LRRC4C: variants seen among roughly 807,000 people sequenced by gnomAD.
LRRC4C encodes leucine rich repeat containing 4C.
A neutral mutation model predicts 33.6 loss-of-function variants in LRRC4C; 5 were observed. That is an observed-to-expected ratio of 0.15 (90% confidence interval 0.08 to 0.31). The LOEUF (loss-of-function observed/expected upper bound fraction) is 0.31, where lower values mean the gene tolerates loss of function less well. LRRC4C is among the 10% of genes least tolerant of loss of function. LRRC4C has a pLI of 1.00. For missense variants in LRRC4C, 560 were observed against 796.7 expected, an observed-to-expected ratio of 0.70 and a Z score of 3.58; for synonymous variants, 329 against 302.0, an observed-to-expected ratio of 1.09 and a Z score of -0.93.
chr11:40,842,455 A>T (rs1399878915), intron 2 of LRRC4C, among the ~76,000 whole-genome samples: 1 of 152,120 alleles, frequency 6.6e-6, no homozygotes, highest in Non-Finnish European at 1.5e-5. Context: ...TATTGTATAC[A>T]TGTTTTTAAA....
intron 1 of LRRC4C, among the ~76,000 whole-genome samples, chr11:41,082,226 G>A (rs537286570): frequency 6.8e-4 from 104 of 152,194 alleles, no homozygotes; most frequent in African/African-American, 2.2e-3. Flanking sequence ...CTATAGAAAC[G>A]CATCTCAGAG....
chr11:41,176,270 A>G (rs1047344972), intron 1 of LRRC4C, among the ~76,000 whole-genome samples: 11 of 152,206 alleles, frequency 7.2e-5, no homozygotes, highest in African/African-American at 2.7e-4. Context: ...GCCTAAGTAC[A>G]TTGGGAATAC....
chr11:41,013,446 C>T (rs1855355795), intron 1 of LRRC4C, among the ~76,000 whole-genome samples: 1 of 152,138 alleles, frequency 6.6e-6, no homozygotes, highest in African/African-American at 2.4e-5. Flanking sequence ...AATATGAATA[C>T]ATAGACATCT....
chr11:41,192,398 TACACACACACAC>T (rs148065178), intron 1 of LRRC4C, among the ~76,000 whole-genome samples: 54 of 145,898 alleles, frequency 3.7e-4, no homozygotes, highest in South Asian at 3.1e-3. Flanking sequence ...AAGAAGATCA[TACACACACACAC>T]ACACACACAC....
chr11:40,304,190 G>A lies in LRRC4C; in HGVS notation c.-176+15438C>T, dbSNP rs114046425. On this transcript the variant is annotated intron_variant, in intron 4 of 6. Transcript: ENST00000528697. ...CACTTGTAATTTGGGGATATTGAGGGGCCTGGAAGACCTAGCTCTTTTTCC... is the reference window on the plus strand; with the variant it reads ...CACTTGTAATTTGGGGATATTGAGGAGCCTGGAAGACCTAGCTCTTTTTCC... Among the ~76,000 whole-genome samples the A allele has an allele frequency of 4.4e-3, 666 of 152,198 alleles. 6 individuals carry two copies. The highest frequency in any genetic ancestry group is 0.015 in the African/African-American group (633 of 41,522).
chr11:40,620,561 C>G (rs1962354696), intron 3 of LRRC4C, among the ~76,000 whole-genome samples: 1 of 151,640 alleles, frequency 6.6e-6, no homozygotes, highest in Admixed American at 6.6e-5. Flanking sequence ...CAAAACTGAC[C>G]TTTATTGTGG....
chr11:40,533,461 A>T (rs1956350748), intron 3 of LRRC4C, among the ~76,000 whole-genome samples: 1 of 115,386 alleles, frequency 8.7e-6, no homozygotes, highest in East Asian at 2.6e-4. Flanking sequence ...GATTTTCCTC[A>T]TCTGGTCTCT....
intron 3 of LRRC4C, among the ~76,000 whole-genome samples, chr11:40,412,898 T>C (rs1444546470): frequency 1.3e-5 from 2 of 152,184 alleles, no homozygotes; most frequent in East Asian, 1.9e-4. Flanking sequence ...TAAAATAGTG[T>C]CCAGAACAAA....
intron 1 of LRRC4C, among the ~76,000 whole-genome samples, chr11:41,310,157 AT>A (rs2137172509): frequency 6.6e-6 from 1 of 152,372 alleles, no homozygotes; most frequent in South Asian, 2.1e-4. Flanking sequence ...AGCTGCATTA[AT>A]AAAGGCATGT....
chr11:40,385,332 T>C (rs187754749), intron 3 of LRRC4C, among the ~76,000 whole-genome samples: 1 of 152,196 alleles, frequency 6.6e-6, no homozygotes, highest in Admixed American at 6.5e-5. Context: ...TAGAGAAAAC[T>C]TTTTTCATCT....
intron 2 of LRRC4C, among the ~76,000 whole-genome samples, chr11:40,759,381 A>C (rs1283378661): frequency 6.6e-6 from 1 of 151,330 alleles, no homozygotes; most frequent in African/African-American, 2.4e-5. Context: ...TGGTTATGTG[A>C]GTAAAAATTT....
At chr11:40,127,170 C>T (rs185490933) in intron 6 of LRRC4C, among the ~76,000 whole-genome samples, 2,056 of 150,744 alleles carry the variant, frequency 0.014, 17 homozygotes, top group Non-Finnish European at 0.018. Context: ...CCAGCTACTC[C>T]GGAGGCTGAG....
At chr11:40,916,187 C>T (rs1384303357) in intron 2 of LRRC4C, among the ~76,000 whole-genome samples, 1 of 152,128 alleles carries the variant, frequency 6.6e-6, no homozygotes, top group African/African-American at 2.4e-5. Context: ...CCCAGTCATC[C>T]CATTACTGGG....
In LRRC4C at chr11:40,337,232, A is replaced by T. The variant is rs115583609; in HGVS notation, c.-269-17511T>A. Among the ~76,000 whole-genome samples the T allele has an allele frequency of 3.9e-3, 587 of 152,304 alleles. 5 individuals are homozygous for T. The highest frequency in any genetic ancestry group is 0.014 in the African/African-American group (564 of 41,568). ...CAGCATGGGTTGGAACTGAGTAAAA[A>T]ATGTGTTCAGAGAGAATCAGAGGAC... On this transcript the variant is annotated intron_variant, in intron 3 of 6. Transcript: ENST00000528697.
intron 2 of LRRC4C, among the ~76,000 whole-genome samples, chr11:40,920,112 G>A (rs553884822): frequency 7.9e-5 from 12 of 152,184 alleles, no homozygotes; most frequent in African/African-American, 2.9e-4. Flanking sequence ...AAAATCTTAT[G>A]TTGAACAAAA....
rs188295619 is a variant in LRRC4C at position 40,894,059 on chromosome 11, G to A, written c.-407+39576C>T. 2.6e-5 allele frequency among the ~76,000 whole-genome samples: 4 copies of A among 152,086 alleles called. No individual in the cohort carries two copies. In the East Asian group the frequency reaches 7.7e-4, roughly 29 times the overall value. On this transcript the variant is annotated intron_variant, in intron 2 of 6. Coordinates refer to ENST00000528697, the MANE Select transcript of LRRC4C (RefSeq NM_001258419.2). ...ATGAAATCATTTGCCAATTATAGCT[G>A]GTTCAGTTTGTTAATTGAATTCTTA...
chr11:40,185,759 A>ATTAAG (rs1861353514), intron 5 of LRRC4C, among the ~76,000 whole-genome samples: 1 of 152,100 alleles, frequency 6.6e-6, no homozygotes, highest in African/African-American at 2.4e-5. Flanking sequence ...AGTAATGGAG[A>ATTAAG]TTAAGTTGGA....
intron 3 of LRRC4C, among the ~76,000 whole-genome samples, chr11:40,462,285 G>A (rs933374682): frequency 1.8e-4 from 28 of 152,170 alleles, no homozygotes; most frequent in African/African-American, 6.5e-4. Flanking sequence ...CATGGCAAAG[G>A]AGGGAACATA....
At chr11:41,411,328 T>C (rs1405024809) in intron 1 of LRRC4C, among the ~76,000 whole-genome samples, 1 of 151,146 alleles carries the variant, frequency 6.6e-6, no homozygotes, top group Non-Finnish European at 1.5e-5. Flanking sequence ...TTTTGTATTT[T>C]TAGTGGAGAC....
Sources: gnomAD v4.1 joint callset for allele counts (sites outside exome capture counted in the v4.1 genomes callset) on GRCh38, gnomAD v4.1.1 for gene constraint, MANE v1.5 for transcripts, NCBI Gene and HGNC (gene_info 2026-07-23, HGNC 2026-07-21) for gene names.